PRKD1: variants seen among roughly 807,000 people sequenced by gnomAD.
The protein encoded by PRKD1 is protein kinase D1, also known as serine/threonine-protein kinase D1.
In PRKD1, 63 loss-of-function variants were observed where a neutral mutation model predicts 95.9. The ratio of observed to expected loss-of-function variants is 0.66; its 90% CI spans 0.54 to 0.81. The LOEUF (loss-of-function observed/expected upper bound fraction) is 0.81. Ranked by LOEUF, PRKD1 falls within the 30% of genes least tolerant of loss-of-function variation. The pLI is 0.00. For missense variants in PRKD1, 1,048 were observed against 1,165.3 expected (o/e 0.90, Z 1.47); for synonymous variants, 425 against 423.1 (o/e 1.00, Z -0.05).
At chr14:29,760,925 C>T (rs190585258) in intron 1 of PRKD1, among the ~76,000 whole-genome samples, 7 of 152,136 alleles carry the variant, frequency 4.6e-5, no homozygotes, top group Non-Finnish European at 8.8e-5. Context: ...AGATTCTTTA[C>T]GTTTTAGCCA....
intron 4 of PRKD1, among the ~76,000 whole-genome samples, chr14:29,647,850 C>T: frequency 6.6e-6 from 1 of 152,126 alleles, no homozygotes; most frequent in East Asian, 1.9e-4. Context: ...AGACTGAGCA[C>T]CGGACAAAGA....
At chr14:29,757,053 G>A (rs561561260) in intron 1 of PRKD1, among the ~76,000 whole-genome samples, 1 of 152,268 alleles carries the variant, frequency 6.6e-6, no homozygotes, top group African/African-American at 2.4e-5. Flanking sequence ...AGTTTTCAGT[G>A]ATATAATTAA....
intron 4 of PRKD1, among the ~76,000 whole-genome samples, chr14:29,652,403 G>A (rs1881566854): frequency 6.6e-6 from 1 of 152,158 alleles, no homozygotes; most frequent in Non-Finnish European, 1.5e-5. Context: ...TCACATATCT[G>A]CAAGGTTTTG....
At chr14:29,666,846 G>A (rs1437502512) in intron 2 of PRKD1, among the ~76,000 whole-genome samples, 1 of 152,124 alleles carries the variant, frequency 6.6e-6, no homozygotes, top group Non-Finnish European at 1.5e-5. Flanking sequence ...CTGGTGAACT[G>A]CAGTCCATTC....
intron 1 of PRKD1, among the ~76,000 whole-genome samples, chr14:29,876,210 T>C (rs1310282601): frequency 6.6e-6 from 1 of 152,222 alleles, no homozygotes; most frequent in Non-Finnish European, 1.5e-5. Context: ...TGTCCCTGCT[T>C]GTAAAACATG....
At chr14:29,803,334 A>G (rs773388273) in intron 1 of PRKD1, among the ~76,000 whole-genome samples, 1 of 152,248 alleles carries the variant, frequency 6.6e-6, no homozygotes, top group African/African-American at 2.4e-5. Context: ...GAATATTTTA[A>G]GGTAAACTAT....
At chr14:29,636,636 T>A (rs1282745651) in intron 6 of PRKD1, 142 bp from the exon 7 acceptor site, 76 of 845,774 alleles carry the variant, frequency 9.0e-5, no homozygotes, top group Non-Finnish European at 9.7e-5. Context: ...ATTTTTTAAC[T>A]TTTATTTTAA....
intron 1 of PRKD1, among the ~76,000 whole-genome samples, chr14:29,747,276 T>C (rs1360286516): frequency 6.6e-6 from 1 of 151,816 alleles, no homozygotes; most frequent in Non-Finnish European, 1.5e-5. Flanking sequence ...GCTCTAACAA[T>C]AATAAAAACA....
rs199682550 is a variant in PRKD1 at position 29,878,346 on chromosome 14, A to AC, written c.264+48902_264+48903insG. Reference sequence around the variant, plus strand: ...AAAATCTGGAGTTCTAATGACAAAAAAAAAAAAAAAAAAAAACCTACACAC... The same window carrying AC: ...AAAATCTGGAGTTCTAATGACAAAAACAAAAAAAAAAAAAAAACCTACACAC... On this transcript the variant is annotated intron_variant, in intron 1 of 17. Coordinates refer to ENST00000331968, the MANE Select transcript of PRKD1 (RefSeq NM_002742.3). Among the ~76,000 whole-genome samples, 1,360 of 150,870 alleles carry AC rather than the reference A, an allele frequency of 9.0e-3. 32 individuals are homozygous for AC. Among genetic ancestry groups the AC allele is most frequent in the African/African-American group, 0.032 (1,294 of 41,054 alleles).
chr14:29,800,317 G>C (rs959444701), intron 1 of PRKD1, among the ~76,000 whole-genome samples: 4 of 152,128 alleles, frequency 2.6e-5, no homozygotes, highest in Non-Finnish European at 5.9e-5. Context: ...CCATTCCAAG[G>C]AGAGTCCGCA....
chr14:29,643,516 G>A (rs1880934166), intron 4 of PRKD1, among the ~76,000 whole-genome samples: 1 of 152,162 alleles, frequency 6.6e-6, no homozygotes, highest in Non-Finnish European at 1.5e-5. Flanking sequence ...TGCTCTTCTA[G>A]AGACTGAATT....
chr14:29,577,501 T>TC (rs1892598268), intron 17 of PRKD1, 45 bp from the exon 18 acceptor site: 1 of 1,542,564 alleles, frequency 6.5e-7, no homozygotes. Context: ...TCATTACAAC[T>TC]CAACATACTG....
chr14:29,777,003 G>A (rs1441643223), intron 1 of PRKD1, among the ~76,000 whole-genome samples: 4 of 152,154 alleles, frequency 2.6e-5, no homozygotes, highest in African/African-American at 7.2e-5. Context: ...CATTCTTAAA[G>A]AAAAGAATTT....
intron 7 of PRKD1, 103 bp from the exon 8 acceptor site, chr14:29,634,644 A>G: frequency 2.8e-6 from 4 of 1,437,838 alleles, no homozygotes; most frequent in Admixed American, 1.7e-5. Context: ...AAACTTTACA[A>G]AATTCACATC....
intron 1 of PRKD1, among the ~76,000 whole-genome samples, chr14:29,844,292 T>C (rs1891988994): frequency 1.3e-5 from 2 of 152,186 alleles, no homozygotes; most frequent in South Asian, 2.1e-4. Flanking sequence ...GAAGTGACAG[T>C]GAGTTGCACG....
At chr14:29,720,403 G>C (rs1031146721) in intron 2 of PRKD1, among the ~76,000 whole-genome samples, 1 of 152,012 alleles carries the variant, frequency 6.6e-6, no homozygotes, top group Admixed American at 6.6e-5. Context: ...ATGAAAACAA[G>C]TATAGAATGC....
chr14:29,859,760 A>C (rs1199255320), intron 1 of PRKD1, among the ~76,000 whole-genome samples: 1 of 152,204 alleles, frequency 6.6e-6, no homozygotes, highest in Non-Finnish European at 1.5e-5. Context: ...TTTATTAACT[A>C]ATTACTATGA....
At chr14:29,752,040 T>C (rs1442411772) in intron 1 of PRKD1, among the ~76,000 whole-genome samples, 1 of 152,190 alleles carries the variant, frequency 6.6e-6, no homozygotes, top group African/African-American at 2.4e-5. Context: ...TTCATCTTAC[T>C]TCTTAACATA....
At chr14:29,682,610 A>G (rs1010471510) in intron 2 of PRKD1, among the ~76,000 whole-genome samples, 8 of 152,218 alleles carry the variant, frequency 5.3e-5, no homozygotes, top group African/African-American at 1.9e-4. Context: ...CAGTTACAGG[A>G]AAGACACAGT....
Sources: gnomAD v4.1 joint callset for allele counts (sites outside exome capture counted in the v4.1 genomes callset) on GRCh38, gnomAD v4.1.1 for gene constraint, MANE v1.5 for transcripts, NCBI Gene and HGNC (gene_info 2026-07-23, HGNC 2026-07-21) for gene names.